CLIP4: variants seen among roughly 807,000 people sequenced by gnomAD.
The protein encoded by CLIP4 is CAP-Gly domain containing linker protein family member 4.
CLIP4 carries 47 observed loss-of-function variants against 73.1 expected under a neutral mutation model. The observed-to-expected ratio is 0.64, with a 90% confidence interval of 0.51 to 0.82. CLIP4 has a LOEUF of 0.82. Ranked by LOEUF, CLIP4 falls within the 40% of genes least tolerant of loss-of-function variation. The pLI, the probability that CLIP4 is intolerant of heterozygous loss-of-function variation, is 0.00. For synonymous variants in CLIP4, 306 were observed against 295.4 expected, an observed-to-expected ratio of 1.04 and a Z score of -0.37; for missense variants, 874 against 852.9, an observed-to-expected ratio of 1.02 and a Z score of -0.31.
At chr2:29,176,168 G>A (rs1161916231) in intron 15 of CLIP4, among the ~76,000 whole-genome samples, 1 of 152,228 alleles carries the variant, frequency 6.6e-6, no homozygotes. Context: ...TCAGGTGCTG[G>A]CAGGCACTAG....
chr2:29,154,543 T>C (rs1165912796), intron 9 of CLIP4, among the ~76,000 whole-genome samples: 1 of 152,048 alleles, frequency 6.6e-6, no homozygotes, highest in South Asian at 2.1e-4. Flanking sequence ...GCACAATCAG[T>C]CTCAGGATTG....
At chr2:29,140,800 T>C (rs1364409961) in intron 6 of CLIP4, among the ~76,000 whole-genome samples, 2 of 152,192 alleles carry the variant, frequency 1.3e-5, no homozygotes, top group African/African-American at 2.4e-5. Context: ...TATCTCATTG[T>C]GGTTTTGATT....
At chr2:29,112,952 C>T (rs1668420969), upstream of CLIP4, among the ~76,000 whole-genome samples, 1 of 152,238 alleles carries the variant, frequency 6.6e-6, no homozygotes, top group Non-Finnish European at 1.5e-5. Flanking sequence ...GCTGACAGAT[C>T]TTCCTGCTGC....
At chr2:29,137,828 CTGTT>C (rs1202252535) in intron 6 of CLIP4, among the ~76,000 whole-genome samples, 1 of 152,008 alleles carries the variant, frequency 6.6e-6, no homozygotes, top group African/African-American at 2.4e-5. Context: ...TGAGAAGTGT[CTGTT>C]CATGTTCTTT....
intron 1 of CLIP4, among the ~76,000 whole-genome samples, chr2:29,099,557 T>A (rs1267884888): frequency 2.0e-5 from 3 of 152,232 alleles, no homozygotes; most frequent in African/African-American, 7.2e-5. Flanking sequence ...TTCCATTGAT[T>A]TATTTGTGTA....
At chr2:29,123,266 C>T (rs905794339) in intron 2 of CLIP4, among the ~76,000 whole-genome samples, 1 of 152,170 alleles carries the variant, frequency 6.6e-6, no homozygotes, top group African/African-American at 2.4e-5. Context: ...TTTCTTGGTA[C>T]ACTGTGGTCA....
chr2:29,172,363 C>CTT (rs915924728), intron 14 of CLIP4, among the ~76,000 whole-genome samples: 1 of 151,926 alleles, frequency 6.6e-6, no homozygotes, highest in Non-Finnish European at 1.5e-5. Context: ...GTAACAAACT[C>CTT]TTTGTTTTTG....
intron 15 of CLIP4, among the ~76,000 whole-genome samples, chr2:29,179,215 C>T (rs1007707035): frequency 6.6e-6 from 1 of 152,306 alleles, no homozygotes; most frequent in South Asian, 2.1e-4. Context: ...TCAATGTTCC[C>T]TCCTTTTTCA....
intron 11 of CLIP4, among the ~76,000 whole-genome samples, chr2:29,160,011 C>A (rs997382630): frequency 6.6e-6 from 1 of 152,226 alleles, no homozygotes; most frequent in Non-Finnish European, 1.5e-5. Flanking sequence ...TTTGCTGTGA[C>A]CCCTGTTCTA....
At chr2:29,167,817 C>G (rs1262898750) in intron 14 of CLIP4, 2 of 272,022 alleles carry the variant, frequency 7.4e-6, no homozygotes, top group African/African-American at 4.4e-5. Context: ...TTAATTATTC[C>G]CTTGATTCTC....
intron 11 of CLIP4, among the ~76,000 whole-genome samples, chr2:29,159,273 C>A (rs1042953258): frequency 1.3e-5 from 2 of 152,090 alleles, no homozygotes; most frequent in East Asian, 3.9e-4. Flanking sequence ...ACTTACCCTC[C>A]ATCCCATGCC....
At chr2:29,153,180 A>AG (rs1412268426) in intron 9 of CLIP4, among the ~76,000 whole-genome samples, 1 of 152,116 alleles carries the variant, frequency 6.6e-6, no homozygotes, top group Non-Finnish European at 1.5e-5. Flanking sequence ...TACCAAAAAA[A>AG]AGTCCTGACT....
chr2:29,182,148 G>A lies in CLIP4; in HGVS notation c.*255G>A, dbSNP rs1668677909. The A allele has an allele frequency of 3.4e-6, 1 of 290,068 alleles. No homozygotes were observed. The highest frequency in any genetic ancestry group is 2.2e-5 in the African/African-American group (1 of 45,818). 18.0% of individuals were successfully genotyped at this position (290,068 alleles called of 1,614,324 possible). A position where few individuals can be genotyped will look rare whatever the true frequency, so the allele number is the denominator to read the frequency against. On this transcript the variant is annotated 3_prime_UTR_variant, in exon 16 of 16. Transcript: ENST00000320081. Reference sequence around the variant, plus strand: ...GGTTCCAAGAAGATTCTGGGACTCAGGAAGAAAAAGTGCCATCAGGTGACC... The same window carrying A: ...GGTTCCAAGAAGATTCTGGGACTCAAGAAGAAAAAGTGCCATCAGGTGACC...
intron 2 of CLIP4, among the ~76,000 whole-genome samples, chr2:29,122,781 G>A (rs943072888): frequency 3.1e-5 from 4 of 130,894 alleles, no homozygotes; most frequent in Non-Finnish European, 6.1e-5. Context: ...AGCTGAGATC[G>A]CATCACTGCA....
Position 29,130,073 on chromosome 2 carries a change from A to G in CLIP4, c.134-1185A>G, listed in dbSNP as rs1407302320. On this transcript the variant is annotated intron_variant, in intron 2 of 15. Coordinates refer to ENST00000320081, the MANE Select transcript of CLIP4 (RefSeq NM_024692.6). Reference sequence around the variant, plus strand: ...GAAGTTTCAGCAAAGGTTGTTCAGCATAATTGGAGAGTTCTACACAGAAGG... The same window carrying G: ...GAAGTTTCAGCAAAGGTTGTTCAGCGTAATTGGAGAGTTCTACACAGAAGG... 1.1e-5 allele frequency: 5 copies of G among 470,248 alleles called. No individual in the cohort carries two copies. The Admixed American group carries it at 1.2e-4, about 11-fold the overall frequency. 29.1% of individuals were successfully genotyped at this position (470,248 alleles called of 1,614,324 possible).
rs1558567449 is a variant in CLIP4, at chr2:29,160,400, G to C, written c.1467G>C (p.Glu489Asp). 3.7e-6 allele frequency: 6 copies of C among 1,614,208 alleles called. No individual in the cohort carries two copies. The highest frequency in any genetic ancestry group is 3.4e-6 in the Non-Finnish European group (4 of 1,180,034). The change falls in exon 12 of 16, where the codon GAG (glutamate) becomes GAC (aspartate). Residue 489 changes from glutamate to aspartate, a missense_variant. By Grantham distance (45) the Glu-to-Asp change is conservative. Coordinates refer to ENST00000320081, the MANE Select transcript of CLIP4 (RefSeq NM_024692.6). ...GCGAGGGGGAACTCCGCCTCGGAGA[G>C]AGAGTGTTAGTGGTAGGACAGAGAC... Reference protein sequence around the residue: ...SRCEGELRLGERVLVVGQRLG... With the variant: ...SRCEGELRLGDRVLVVGQRLG...
intron 8 of CLIP4, among the ~76,000 whole-genome samples, chr2:29,147,518 C>A (rs1283643626): frequency 6.6e-6 from 1 of 151,984 alleles, no homozygotes; most frequent in Admixed American, 6.6e-5. Flanking sequence ...AAGGATTATA[C>A]ATTTTATATT....
chr2:29,162,850 G>A (rs986379415), intron 12 of CLIP4, among the ~76,000 whole-genome samples: 6 of 152,030 alleles, frequency 3.9e-5, no homozygotes, highest in African/African-American at 1.4e-4. Flanking sequence ...CTTGTGAGTT[G>A]GTTTTTTAGA....
At chr2:29,130,757 ACT>A in intron 2 of CLIP4, 6 of 1,266,800 alleles carry the variant, frequency 4.7e-6, no homozygotes, top group Non-Finnish European at 6.1e-6. Flanking sequence ...AGTTATGCTG[ACT>A]CTAGAAGTAA....
Sources: allele counts gnomAD v4.1 joint callset (sites outside exome capture counted in the v4.1 genomes callset), GRCh38; gene constraint gnomAD v4.1.1; transcripts MANE v1.5; gene names NCBI Gene and HGNC (gene_info 2026-07-23, HGNC 2026-07-21).